The following TACC3 variants were observed in gnomAD, a reference collection of about 807,000 sequenced individuals.
The protein encoded by TACC3 is transforming acidic coiled-coil-containing protein 3.
Under a neutral mutation model 86.0 loss-of-function variants are expected in TACC3, and 52 were observed. The observed-to-expected ratio is 0.60, with a 90% CI of 0.48 to 0.76. TACC3 has a LOEUF of 0.76. TACC3 is among the 30% of genes least tolerant of loss of function. TACC3 has a pLI of 0.00. For missense variants in TACC3, 1,120 were observed against 1,070.4 expected (o/e 1.05, Z -0.65); for synonymous variants, 512 against 430.0 (o/e 1.19, Z -2.36).
intron 4 of TACC3, 86 bp downstream of exon 4, chr4:1,728,873 A>G: frequency 7.5e-7 from 1 of 1,342,270 alleles, no homozygotes; most frequent in South Asian, 1.4e-5. Context: ...CAGAAGTGTC[A>G]TCAGATACTC....
In TACC3 at chr4:1,728,342, A is replaced by T; in HGVS notation, c.940A>T (p.Met314Leu). ...CAACCACCTGGTGGCTGGCAGGGCCATGACCCTGAGTCCTCAGGAAGAAGT... is the reference window on the plus strand; with the variant it reads ...CAACCACCTGGTGGCTGGCAGGGCCTTGACCCTGAGTCCTCAGGAAGAAGT... ...PTNHLVAGRA[M>L]TLSPQEEVAA... Residue 314 changes from methionine to leucine, a missense_variant, in exon 4 of 16, where the codon ATG (methionine) becomes TTG (leucine). Transcript: ENST00000313288. 6.2e-7 allele frequency: 1 copy of T among 1,613,106 alleles called. No homozygotes were observed. The highest frequency in any genetic ancestry group is 8.5e-7 in the Non-Finnish European group (1 of 1,180,030).
At chr4:1,744,289 A>G (rs912522795) in intron 13 of TACC3, 100 of 539,776 alleles carry the variant, frequency 1.9e-4, no homozygotes, top group Non-Finnish European at 2.7e-4. Context: ...TGAGGGCACC[A>G]GGTTCAGGCC....
intron 13 of TACC3, among the ~76,000 whole-genome samples, chr4:1,742,527 A>G (rs1718644176): frequency 6.6e-6 from 1 of 152,244 alleles, no homozygotes; most frequent in Non-Finnish European, 1.5e-5. Context: ...TTGCTTCAAT[A>G]GAGACCTTGA....
At chr4:1,742,553 C>T (rs1718644970) in intron 13 of TACC3, among the ~76,000 whole-genome samples, 1 of 152,156 alleles carries the variant, frequency 6.6e-6, no homozygotes, top group Non-Finnish European at 1.5e-5. Flanking sequence ...GAAAAGAATC[C>T]CCTTCGGGAG....
chr4:1,739,817 C>CCCCTCG, intron 11 of TACC3, 39 bp downstream of exon 11: 1 of 685,956 alleles, frequency 1.5e-6, no homozygotes, highest in Admixed American at 3.9e-5. Flanking sequence ...CGTCCCCATC[C>CCCCTCG]CCCTCGCCAT....
chr4:1,735,192 G>C lies in TACC3; in HGVS notation c.1592-81G>C, dbSNP rs2108703332. The C allele has an allele frequency of 6.4e-7, 1 of 1,552,768 alleles. No homozygotes were observed. The highest frequency in any genetic ancestry group is 1.1e-5 in the South Asian group (1 of 89,386). ...CTGGCTGGAATGATCCTGCCTCACT[G>C]AGTGCTGAGGGAGACACCAGCCCGC... On this transcript the variant is annotated intron_variant, in intron 6 of 15. Coordinates refer to ENST00000313288, the MANE Select transcript of TACC3 (RefSeq NM_006342.3). The surrounding 1 kb of genome is among the most constrained non-coding windows in gnomAD (Gnocchi z 4.2).
Position 1,739,668 on chromosome 4 carries a change from C to T in TACC3, c.1942-34C>T, listed in dbSNP as rs188743577. 6.5e-4 allele frequency: 1,017 copies of T among 1,553,968 alleles called. 5 individuals are homozygous for T. The highest frequency in any genetic ancestry group is 3.7e-3 in the African/African-American group (274 of 73,318). ...AGGTCCTGGGAGGGTCAGTCTGGCC[C>T]GCCTGCCTGCTGACTTGGGTGTGGC... On this transcript the variant is annotated intron_variant, in intron 10 of 15. Coordinates refer to ENST00000313288, the MANE Select transcript of TACC3 (RefSeq NM_006342.3).
At chr4:1,738,108 G>A (rs973702644) in intron 10 of TACC3, 15 of 352,852 alleles carry the variant, frequency 4.3e-5, no homozygotes, top group African/African-American at 3.2e-4. Context: ...CACATCTGAG[G>A]GTCCCGTGCC....
chr4:1,727,753 T>G lies in TACC3; in HGVS notation c.351T>G (p.Ile117Met). 6 of 1,603,692 alleles carry G rather than the reference T, an allele frequency of 3.7e-6. No individual in the cohort carries two copies. Among genetic ancestry groups the G allele is most frequent in the Non-Finnish European group, 5.1e-6 (6 of 1,174,588 alleles). Reference sequence around the variant, plus strand: ...TGGATGCCAAAACTACTCATGGAATTCTACAGAAACCAGTGGAGGCTGACA... The same window carrying G: ...TGGATGCCAAAACTACTCATGGAATGCTACAGAAACCAGTGGAGGCTGACA... Reference protein sequence around the residue: ...KEVDAKTTHGILQKPVEADTD... With the variant: ...KEVDAKTTHGMLQKPVEADTD... The change falls in exon 4 of 16, where the codon ATT (isoleucine) becomes ATG (methionine). Residue 117 changes from isoleucine to methionine, a missense_variant. Transcript: ENST00000313288.
chr4:1,738,715 C>A (rs577597771), intron 10 of TACC3, among the ~76,000 whole-genome samples: 1 of 152,364 alleles, frequency 6.6e-6, no homozygotes, highest in Admixed American at 6.5e-5. Context: ...GGTAGCCCTA[C>A]TGCTGTGTTG....
rs1205627467 is a variant in TACC3, at chr4:1,723,472, A to G, written c.51A>G (p.Thr17=). The change falls in exon 2 of 16, where the codon ACA becomes ACG. Residue 17 remains threonine (T), a synonymous_variant. Transcript: ENST00000313288. The part of the protein sequence containing the change: ...NDKNVSNEKN[T]ENCDFLFSPP... The stretch of plus-strand genomic sequence containing the variant: ...AAAATGTCAGCAATGAAAAAAATAC[A>G]GAAAATTGCGACTTCCTGTTTTCGC... 6.8e-6 allele frequency: 11 copies of G among 1,613,724 alleles called. No individual in the cohort carries two copies. The highest frequency in any genetic ancestry group is 9.3e-6 in the Non-Finnish European group (11 of 1,179,994).
chr4:1,740,427 G>A (rs568613366), intron 12 of TACC3: 1 of 344,342 alleles, frequency 2.9e-6, no homozygotes, highest in Non-Finnish European at 5.4e-6. Flanking sequence ...CTACTGTGGG[G>A]ATCTGTCTTA....
intron 4 of TACC3, among the ~76,000 whole-genome samples, chr4:1,730,100 G>A (rs1357982145): frequency 6.6e-6 from 1 of 152,218 alleles, no homozygotes; most frequent in African/African-American, 2.4e-5. Flanking sequence ...GCGCAGTGGC[G>A]TGATCTCGCC....
upstream of TACC3, chr4:1,720,861 G>A: frequency 6.4e-7 from 1 of 1,554,108 alleles, no homozygotes; most frequent in Non-Finnish European, 8.7e-7. The surrounding 1 kb of genome is among the most constrained non-coding windows in gnomAD (Gnocchi z 4.4). Context: ...GGAAGCTGTC[G>A]AGCTAGGCCC....
intron 12 of TACC3, 132 bp downstream of exon 12, chr4:1,740,134 A>G (rs2108716353): frequency 1.2e-6 from 1 of 865,506 alleles, no homozygotes; most frequent in South Asian, 1.6e-5. Flanking sequence ...AGTCCCTTCA[A>G]CATGGGCCCG....
At chr4:1,738,069 A>T (rs1244363710) in intron 10 of TACC3, 1 of 363,458 alleles carries the variant, frequency 2.8e-6, no homozygotes, top group Admixed American at 3.7e-5. Flanking sequence ...ATCTCCTGGC[A>T]GCTTAGGAAG....
At chr4:1,741,013 C>T (rs1718573196) in intron 13 of TACC3, 27 bp downstream of exon 13, 4 of 1,583,642 alleles carry the variant, frequency 2.5e-6, no homozygotes, top group Non-Finnish European at 3.4e-6. Context: ...CTGGTGTCCT[C>T]ACCTCGGAGG....
In TACC3 at chr4:1,744,841, G is replaced by C. The variant is rs768823917; in HGVS notation, c.2451+9G>C. ...AGACAGTGGAGCAGAAGGTGGGTGC[G>C]GGAAGCCCAGCTCAAGGGGCCGTCT... On this transcript the variant is annotated intron_variant, in intron 15 of 15. Coordinates refer to ENST00000313288, the MANE Select transcript of TACC3 (RefSeq NM_006342.3). The C allele has an allele frequency of 6.2e-7, 1 of 1,612,806 alleles. No homozygotes were observed. The highest frequency in any genetic ancestry group is 1.3e-5 in the African/African-American group (1 of 74,948).
At chr4:1,742,333 C>G (rs1718635081) in intron 13 of TACC3, among the ~76,000 whole-genome samples, 1 of 152,230 alleles carries the variant, frequency 6.6e-6, no homozygotes. Context: ...TGCTGACCTT[C>G]CCTCAGGTTG....
Sources: gnomAD v4.1 joint callset for allele counts (sites outside exome capture counted in the v4.1 genomes callset) on GRCh38, gnomAD v4.1.1 for gene constraint, Gnocchi (gnomAD v3.1) non-coding constraint, MANE v1.5 for transcripts, NCBI Gene and HGNC (gene_info 2026-07-23, HGNC 2026-07-21) for gene names.